Variants in AUTS2 observed in about 807,000 individuals in gnomAD.
AUTS2 encodes the protein autism susceptibility gene 2 protein.
AUTS2 carries 17 observed loss-of-function variants against 112.4 expected under a neutral mutation model. The ratio of observed to expected loss-of-function variants is 0.15; its 90% CI spans 0.10 to 0.23. The LOEUF (loss-of-function observed/expected upper bound fraction) is 0.23, where lower values mean the gene tolerates loss of function less well. Ranked by LOEUF, AUTS2 falls within the 10% of genes least tolerant of loss-of-function variation. The probability of loss-of-function intolerance (pLI) is 1.00; values close to 1 mark genes in which losing one functional copy is unlikely to be tolerated. For synonymous variants in AUTS2, 751 were observed against 702.7 expected, an observed-to-expected ratio of 1.07 and a Z score of -1.09; for missense variants, 1,510 against 1,701.6, an observed-to-expected ratio of 0.89 and a Z score of 1.98.
chr7:69,974,471 A>T (rs2129548384), intron 2 of AUTS2, among the ~76,000 whole-genome samples: 1 of 152,074 alleles, frequency 6.6e-6, no homozygotes, highest in South Asian at 2.1e-4. Flanking sequence ...CTAGAAAACC[A>T]GGAAAGCTGG....
At chr7:70,261,041 C>T (rs1787146311) in intron 4 of AUTS2, among the ~76,000 whole-genome samples, 1 of 151,940 alleles carries the variant, frequency 6.6e-6, no homozygotes, top group African/African-American at 2.4e-5. Flanking sequence ...GCCACCGCGC[C>T]CGGCCAACCT....
At chr7:69,749,410 T>G (rs1048564673) in intron 1 of AUTS2, among the ~76,000 whole-genome samples, 5 of 152,212 alleles carry the variant, frequency 3.3e-5, no homozygotes, top group African/African-American at 1.2e-4. Context: ...CATTACTTTA[T>G]TCCCTCATCC....
At chr7:70,141,711 A>T (rs1350688837) in intron 4 of AUTS2, among the ~76,000 whole-genome samples, 1 of 152,170 alleles carries the variant, frequency 6.6e-6, no homozygotes, top group Non-Finnish European at 1.5e-5. Flanking sequence ...GACAGAAAAT[A>T]TAATTGTATT....
At chr7:70,071,813 T>C (rs1421803622) in intron 2 of AUTS2, among the ~76,000 whole-genome samples, 1 of 152,144 alleles carries the variant, frequency 6.6e-6, no homozygotes, top group Admixed American at 6.5e-5. Context: ...AAAAAAGAAA[T>C]ATTGTGGCTG....
chr7:70,369,519 G>T (rs1188863130), intron 4 of AUTS2, among the ~76,000 whole-genome samples: 5 of 152,188 alleles, frequency 3.3e-5, no homozygotes, highest in African/African-American at 4.8e-5. Flanking sequence ...GAGGGCACCA[G>T]AGTGATGGTA....
At chr7:70,380,283 C>T (rs147928225) in intron 4 of AUTS2, among the ~76,000 whole-genome samples, 3 of 151,998 alleles carry the variant, frequency 2.0e-5, no homozygotes, top group Non-Finnish European at 2.9e-5. Flanking sequence ...AATATTTGCT[C>T]AAATAGAGAC....
intron 4 of AUTS2, among the ~76,000 whole-genome samples, chr7:70,189,161 G>A (rs1326158544): frequency 1.3e-5 from 2 of 152,086 alleles, no homozygotes; most frequent in East Asian, 1.9e-4. Context: ...GAGTGTGCCT[G>A]TAAATGACCA....
intron 1 of AUTS2, among the ~76,000 whole-genome samples, chr7:69,601,451 A>G (rs1792402474): frequency 6.6e-6 from 1 of 152,118 alleles, no homozygotes; most frequent in Admixed American, 6.5e-5. Context: ...TTTCAAAGGA[A>G]GGCTTCCTAT....
chr7:69,853,966 T>A (rs756731020), intron 1 of AUTS2, among the ~76,000 whole-genome samples: 2 of 152,190 alleles, frequency 1.3e-5, no homozygotes, highest in Non-Finnish European at 2.9e-5. Flanking sequence ...ATCATGTTGC[T>A]CTAGAACAAT....
chr7:69,931,613 C>G (rs2129543980), intron 2 of AUTS2, among the ~76,000 whole-genome samples: 1 of 152,298 alleles, frequency 6.6e-6, no homozygotes, highest in Admixed American at 6.5e-5. Flanking sequence ...CGCAACATCA[C>G]TGACTTGGTG....
At chr7:70,769,257 A>G (rs1790162365) in intron 10 of AUTS2, among the ~76,000 whole-genome samples, 1 of 152,234 alleles carries the variant, frequency 6.6e-6, no homozygotes, top group South Asian at 2.1e-4. Flanking sequence ...GCTCAGTACC[A>G]GAATACAAAA....
At chr7:69,676,115 A>G (rs956212887) in intron 1 of AUTS2, among the ~76,000 whole-genome samples, 7 of 152,188 alleles carry the variant, frequency 4.6e-5, no homozygotes, top group Admixed American at 3.9e-4. Flanking sequence ...GTTCAGAAAT[A>G]TCTCCAGTTA....
chr7:69,942,848 G>A (rs1185577780), intron 2 of AUTS2, among the ~76,000 whole-genome samples: 1 of 152,220 alleles, frequency 6.6e-6, no homozygotes, highest in Non-Finnish European at 1.5e-5. Flanking sequence ...GTTTGCATGT[G>A]TCAACAATTT....
chr7:70,668,364 A>G (rs1187011708), intron 5 of AUTS2, among the ~76,000 whole-genome samples: 1 of 152,206 alleles, frequency 6.6e-6, no homozygotes, highest in Non-Finnish European at 1.5e-5. Flanking sequence ...GTTGCACAGA[A>G]GACTCTCATC....
At chr7:69,967,435 T>TGGGA (rs1425085089) in intron 2 of AUTS2, among the ~76,000 whole-genome samples, 1 of 150,552 alleles carries the variant, frequency 6.6e-6, no homozygotes, top group Non-Finnish European at 1.5e-5. Flanking sequence ...ACAGAGGGAG[T>TGGGA]GGGAGGGAGG....
rs575004459 is a variant in AUTS2, at chr7:70,125,411, T to C, written c.624+7178T>C. On this transcript the variant is annotated intron_variant, in intron 3 of 18. Coordinates refer to ENST00000342771, the MANE Select transcript of AUTS2 (RefSeq NM_015570.4). ...CTAACGTCTTACAAGGTTTTTCCAC[T>C]GTAGATTGTGGGAAAACAAACTATT... Among the ~76,000 whole-genome samples, 17 of 152,278 alleles carry C rather than the reference T, an allele frequency of 1.1e-4. No individual in the cohort carries two copies. The East Asian group carries it at 3.1e-3, about 28-fold the overall frequency.
chr7:70,363,857 T>C (rs1792406024), intron 4 of AUTS2, among the ~76,000 whole-genome samples: 1 of 152,210 alleles, frequency 6.6e-6, no homozygotes, highest in Non-Finnish European at 1.5e-5. Context: ...ACTCTTACAG[T>C]CCTCCTCTAG....
At chr7:69,656,413 A>T (rs1267578418) in intron 1 of AUTS2, among the ~76,000 whole-genome samples, 1 of 152,220 alleles carries the variant, frequency 6.6e-6, no homozygotes, top group Non-Finnish European at 1.5e-5. Context: ...TACAAATAGA[A>T]GATTTGCTAA....
At chr7:69,612,483 A>T (rs979685121) in intron 1 of AUTS2, among the ~76,000 whole-genome samples, 18 of 151,520 alleles carry the variant, frequency 1.2e-4, no homozygotes, top group African/African-American at 3.6e-4. Context: ...TTTTTTAGAC[A>T]TGTTCTCGCT....
Sources: allele counts gnomAD v4.1 joint callset (sites outside exome capture counted in the v4.1 genomes callset), GRCh38; gene constraint gnomAD v4.1.1; transcripts MANE v1.5; gene names NCBI Gene and HGNC (gene_info 2026-07-23, HGNC 2026-07-21).